SLC6A5: variants seen among roughly 807,000 people sequenced by gnomAD.
The protein encoded by SLC6A5 is solute carrier family 6 member 5, also known as sodium- and chloride-dependent glycine transporter 2.
Under a neutral mutation model 90.5 loss-of-function variants are expected in SLC6A5, and 58 were observed. The observed-to-expected ratio is 0.64, with a 90% CI of 0.52 to 0.80. SLC6A5 has a LOEUF of 0.80. Ranked by LOEUF, SLC6A5 falls within the 30% of genes least tolerant of loss-of-function variation. The pLI is 0.00. For missense variants in SLC6A5, 1,015 were observed against 1,017.6 expected (o/e 1.00, Z 0.03); for synonymous variants, 427 against 401.4 (o/e 1.06, Z -0.76).
intron 6 of SLC6A5, 74 bp from the exon 7 acceptor site, chr11:20,617,678 T>G (rs918954539): frequency 5.7e-6 from 8 of 1,403,752 alleles, no homozygotes; most frequent in Non-Finnish European, 7.1e-6. Context: ...TACTGGAGGC[T>G]TAAAGCCTAC....
intron 7 of SLC6A5, among the ~76,000 whole-genome samples, chr11:20,622,811 C>T (rs1008320963): frequency 6.6e-6 from 1 of 152,180 alleles, no homozygotes; most frequent in Non-Finnish European, 1.5e-5. Context: ...TTCCCACCAG[C>T]CCCAGGTGGT....
At chr11:20,613,009 A>G (rs1852721838) in intron 5 of SLC6A5, among the ~76,000 whole-genome samples, 1 of 152,044 alleles carries the variant, frequency 6.6e-6, no homozygotes, top group Non-Finnish European at 1.5e-5. Flanking sequence ...ATTATTTTCT[A>G]ATTTTATGCC....
intron 3 of SLC6A5, among the ~76,000 whole-genome samples, chr11:20,605,794 C>T (rs1376511022): frequency 6.6e-6 from 1 of 152,230 alleles, no homozygotes. Flanking sequence ...GGCCCCTCAG[C>T]CCTCAGTGCG....
intron 7 of SLC6A5, among the ~76,000 whole-genome samples, chr11:20,622,508 T>C (rs1484097746): frequency 6.6e-6 from 1 of 152,196 alleles, no homozygotes; most frequent in African/African-American, 2.4e-5. Flanking sequence ...ATGGCATTCA[T>C]GGAAAGAGTG....
chr11:20,646,448 T>G (rs1163347780), intron 13 of SLC6A5, among the ~76,000 whole-genome samples: 1 of 152,204 alleles, frequency 6.6e-6, no homozygotes, highest in East Asian at 1.9e-4. Flanking sequence ...ATGCTCTGTT[T>G]ATTGACCACA....
intron 13 of SLC6A5, among the ~76,000 whole-genome samples, chr11:20,641,919 T>A (rs1469287171): frequency 6.6e-6 from 1 of 151,768 alleles, no homozygotes; most frequent in Non-Finnish European, 1.5e-5. Context: ...TAATGGAGGG[T>A]CAGAGTAGTC....
chr11:20,654,986 T>C lies in SLC6A5; in HGVS notation c.*118T>C. ...CTTTCTTCCTACATCTTGGTTCACATCCACGCATGAGAGTGATTATGTAGA... is the reference window on the plus strand; with the variant it reads ...CTTTCTTCCTACATCTTGGTTCACACCCACGCATGAGAGTGATTATGTAGA... On this transcript the variant is annotated 3_prime_UTR_variant, in exon 16 of 16. Transcript: ENST00000525748. 1 of 1,080,452 alleles carries C rather than the reference T, an allele frequency of 9.3e-7. No homozygotes were observed. The highest frequency in any genetic ancestry group is 1.4e-6 in the Non-Finnish European group (1 of 694,824). 66.9% of individuals were successfully genotyped at this position (1,080,452 alleles called of 1,614,324 possible).
In SLC6A5 at chr11:20,601,637, C is replaced by G. The variant is rs1852481814; in HGVS notation, c.512C>G (p.Pro171Arg). The G allele has an allele frequency of 6.2e-7, 1 of 1,613,938 alleles. No individual in the cohort carries two copies. The highest frequency in any genetic ancestry group is 8.5e-7 in the Non-Finnish European group (1 of 1,179,966). The change falls in exon 2 of 16, where the codon CCG (proline) becomes CGG (arginine). Residue 171 changes from proline (P) to arginine (R), a missense_variant. Coordinates refer to ENST00000525748, the MANE Select transcript of SLC6A5 (RefSeq NM_004211.5). ...LATDGITSVL[P>R]GSVATVATQE... ...ACGGATGGAATCACGTCCGTGCTCC[C>G]GGGCAGCGTGGCCACCGTTGCCACC...
chr11:20,619,335 A>G (rs1328076451), intron 7 of SLC6A5, among the ~76,000 whole-genome samples: 1 of 152,228 alleles, frequency 6.6e-6, no homozygotes, highest in Non-Finnish European at 1.5e-5. Context: ...CTCCCTGGGG[A>G]CATGGACATT....
chr11:20,630,018 C>T lies in SLC6A5; in HGVS notation c.1500-673C>T, dbSNP rs144807924. ...GATTACAGGTATGAGCCACCGTGCC[C>T]GGCTGGGATGGTTGTTAATATAGTC... is the stretch of plus-strand genomic sequence containing the variant. On this transcript the variant is annotated intron_variant, in intron 9 of 15. Coordinates refer to ENST00000525748, the MANE Select transcript of SLC6A5 (RefSeq NM_004211.5). Among the ~76,000 whole-genome samples, 384 of 152,160 alleles carry T rather than the reference C, an allele frequency of 2.5e-3. 1 individual carries two copies. Among genetic ancestry groups the T allele is most frequent in the African/African-American group, 8.6e-3 (357 of 41,524 alleles).
intron 6 of SLC6A5, among the ~76,000 whole-genome samples, chr11:20,616,228 T>C (rs1025719325): frequency 2.1e-4 from 32 of 152,308 alleles, no homozygotes; most frequent in African/African-American, 7.0e-4. Context: ...ACCTAATTGA[T>C]TAAATAGTCC....
At chr11:20,619,806 C>T (rs1852855617) in intron 7 of SLC6A5, among the ~76,000 whole-genome samples, 1 of 152,194 alleles carries the variant, frequency 6.6e-6, no homozygotes, top group South Asian at 2.1e-4. Context: ...CACTTCTACT[C>T]TGTGACCTCA....
rs1409887765 is a variant in SLC6A5, at chr11:20,656,990, T to G, written c.*2122T>G. On this transcript the variant is annotated 3_prime_UTR_variant, in exon 16 of 16. Transcript: ENST00000525748. ...AGTGAGAGGAGCCAGGAGGAATAAC[T>G]TAGGCCTGGAAATTATCTGCAGGCT... 1.3e-5 allele frequency: 2 copies of G among 152,200 alleles called. No homozygotes were observed. The highest frequency in any genetic ancestry group is 6.5e-5 in the Admixed American group (1 of 15,292). The allele number at this position is 152,200 out of a possible 1,614,324, so 9.4% of individuals were successfully genotyped here. A position where few individuals can be genotyped will look rare whatever the true frequency, so the allele number is the denominator to read the frequency against.
chr11:20,654,998 A>C lies in SLC6A5; in HGVS notation c.*130A>C. 1.0e-6 allele frequency: 1 copy of C among 996,892 alleles called. No homozygotes were observed. Among genetic ancestry groups the C allele is most frequent in the Non-Finnish European group, 1.6e-6 (1 of 621,184 alleles). 61.8% of individuals were successfully genotyped at this position (996,892 alleles called of 1,614,324 possible). A position where few individuals can be genotyped will look rare whatever the true frequency, so the allele number is the denominator to read the frequency against. ...ATCTTGGTTCACATCCACGCATGAG[A>C]GTGATTATGTAGAAAAGTAGGCATA... On this transcript the variant is annotated 3_prime_UTR_variant, in exon 16 of 16. Transcript: ENST00000525748.
chr11:20,642,508 AG>A (rs2133814906), intron 13 of SLC6A5, among the ~76,000 whole-genome samples: 1 of 152,222 alleles, frequency 6.6e-6, no homozygotes, highest in Non-Finnish European at 1.5e-5. Flanking sequence ...CGCATTTTTG[AG>A]AATCAGCTGC....
intron 5 of SLC6A5, among the ~76,000 whole-genome samples, chr11:20,612,351 A>G (rs1463083546): frequency 6.6e-6 from 1 of 152,094 alleles, no homozygotes; most frequent in African/African-American, 2.4e-5. Flanking sequence ...TTTAGTCCTT[A>G]CTGCAACCCT....
At chr11:20,611,540 G>A (rs951608370) in intron 5 of SLC6A5, among the ~76,000 whole-genome samples, 1 of 152,138 alleles carries the variant, frequency 6.6e-6, no homozygotes, top group African/African-American at 2.4e-5. Context: ...CTCTGTCCCA[G>A]GACTTCACCC....
rs545522605 is a variant in SLC6A5 at position 20,642,994 on chromosome 11, A to G, written c.1970-3840A>G. On this transcript the variant is annotated intron_variant, in intron 13 of 15. Coordinates refer to ENST00000525748, the MANE Select transcript of SLC6A5 (RefSeq NM_004211.5). ...GCACCCATGATCCACCCCTTCCTAC[A>G]GCTTGGGGTCCAGCTCTTTATCCCC... Among the ~76,000 whole-genome samples the G allele has an allele frequency of 5.7e-4, 86 of 152,194 alleles. No homozygotes were observed. The South Asian group carries it at 0.016, about 29-fold the overall frequency.
intron 3 of SLC6A5, among the ~76,000 whole-genome samples, chr11:20,606,353 A>G (rs1852580969): frequency 6.6e-6 from 1 of 152,232 alleles, no homozygotes; most frequent in Non-Finnish European, 1.5e-5. Context: ...GTACTGTGGG[A>G]GGACTCAGAA....
Sources: gnomAD v4.1 joint callset for allele counts (sites outside exome capture counted in the v4.1 genomes callset) on GRCh38, gnomAD v4.1.1 for gene constraint, MANE v1.5 for transcripts, NCBI Gene and HGNC (gene_info 2026-07-23, HGNC 2026-07-21) for gene names.